The following POLR1C variants were observed in gnomAD, a reference collection of about 807,000 sequenced individuals.
POLR1C encodes the protein RNA polymerase I and III subunit C.
POLR1C carries 42 observed loss-of-function variants against 38.3 expected under a neutral mutation model. The ratio of observed to expected loss-of-function variants is 1.10; its 90% confidence interval spans 0.86 to 1.42. The LOEUF (loss-of-function observed/expected upper bound fraction) is 1.42. Ranked by LOEUF, POLR1C falls within the 40% of genes most tolerant of loss-of-function variation. POLR1C has a pLI of 0.00. For missense variants in POLR1C, 507 were observed against 450.5 expected (o/e 1.13, Z -1.14); for synonymous variants, 163 against 163.9 (o/e 0.99, Z 0.04).
At chr6:43,554,068 C>A (rs1161022056) in intron 10 of POLR1C, among the ~76,000 whole-genome samples, 1 of 152,174 alleles carries the variant, frequency 6.6e-6, no homozygotes, top group East Asian at 1.9e-4. Context: ...GCACAGCACT[C>A]AAATAGCAAG....
chr6:43,553,510 AACACACAC>A (rs749301680), intron 10 of POLR1C: 33 of 1,503,446 alleles, frequency 2.2e-5, no homozygotes, highest in Non-Finnish European at 2.7e-5. Context: ...CAAGCTTTAA[AACACACAC>A]ACACACATAC....
At position 43,547,761 on chromosome 6, in the gene POLR1C, T is replaced by G. The variant is rs1286002872; in HGVS notation, c.*5-3207T>G. The G allele has an allele frequency of 3.9e-6, 6 of 1,522,812 alleles. No homozygotes were observed. In the African/African-American group the frequency reaches 8.2e-5, roughly 21 times the overall value. The allele number at this position is 1,522,812 out of a possible 1,614,324, so 94.3% of individuals were successfully genotyped here. ...ACATCATGACTTTAAACAAGGACAG[T>G]TTCTTCCACAGGAGTTAACAGGCTA... On this transcript the variant is annotated intron_variant, in intron 9 of 10. Coordinates refer to the POLR1C transcript ENST00000607635.
intron 10 of POLR1C, among the ~76,000 whole-genome samples, chr6:43,552,828 G>A (rs764048535): frequency 2.0e-5 from 3 of 152,130 alleles, no homozygotes; most frequent in Non-Finnish European, 4.4e-5. Context: ...TATACTGGTG[G>A]CGTACAGTAT....
intron 9 of POLR1C, among the ~76,000 whole-genome samples, chr6:43,541,327 GTGAT>G (rs1794679032): frequency 6.6e-6 from 1 of 152,212 alleles, no homozygotes; most frequent in African/African-American, 2.4e-5. Context: ...TTTAATTGAT[GTGAT>G]TATTATTATG....
intron 9 of POLR1C, chr6:43,546,822 A>G (rs1326345509): frequency 7.0e-7 from 1 of 1,422,530 alleles, no homozygotes; most frequent in Non-Finnish European, 9.4e-7. Context: ...ACTGTTAGAT[A>G]TATTCAAGGT....
At chr6:43,546,932 T>C (rs2127727712) in intron 9 of POLR1C, among the ~76,000 whole-genome samples, 1 of 152,310 alleles carries the variant, frequency 6.6e-6, no homozygotes, top group South Asian at 2.1e-4. Flanking sequence ...AGAGGGATCC[T>C]CTCACTGCCA....
chr6:43,543,884 T>C (rs919714323), intron 9 of POLR1C, among the ~76,000 whole-genome samples: 6 of 152,092 alleles, frequency 3.9e-5, no homozygotes, highest in Non-Finnish European at 8.8e-5. Context: ...ACCATGTTTA[T>C]TGGGCTAGTC....
chr6:43,537,138 A>G (rs768922038), intron 9 of POLR1C, among the ~76,000 whole-genome samples: 50 of 135,190 alleles, frequency 3.7e-4, no homozygotes, highest in Middle Eastern at 3.7e-3. Context: ...GAATAATTAA[A>G]ACTTTTTTTT....
At chr6:43,530,659 G>T (rs780674560), downstream of POLR1C, 2 of 1,606,070 alleles carry the variant, frequency 1.2e-6, no homozygotes, top group East Asian at 4.5e-5. Flanking sequence ...CTGACCTTTT[G>T]GGTTATGTAG....
chr6:43,524,855 C>G, downstream of POLR1C: 1 of 1,613,792 alleles, frequency 6.2e-7, no homozygotes, highest in Non-Finnish European at 8.5e-7. Flanking sequence ...TCTGGAAGGC[C>G]AGATGGACCA....
chr6:43,561,806 A>G (rs1334324432), exon 11 of POLR1C: 1 of 155,510 alleles, frequency 6.4e-6, no homozygotes, highest in East Asian at 1.9e-4. Flanking sequence ...TGAGTATTAA[A>G]TATTTCTCTA....
intron 10 of POLR1C, chr6:43,561,096 A>G (rs1582238245): frequency 9.1e-7 from 1 of 1,098,628 alleles, no homozygotes; most frequent in East Asian, 2.4e-5. Context: ...GATAAATTAA[A>G]CCCTCAAAAA....
chr6:43,546,698 T>C (rs779573241), intron 9 of POLR1C: 2 of 1,612,618 alleles, frequency 1.2e-6, no homozygotes, highest in Non-Finnish European at 1.7e-6. Flanking sequence ...TCTAGGTCAG[T>C]GGGCCAGCAA....
In POLR1C at chr6:43,520,504, G is replaced by A. The variant is rs1246291506; in HGVS notation, c.655+77G>A. The A allele has an allele frequency of 6.2e-6, 10 of 1,601,954 alleles. No individual in the cohort carries two copies. The Admixed American group carries it at 1.7e-4, about 27-fold the overall frequency. On this transcript the variant is annotated intron_variant, in intron 6 of 8. Coordinates refer to ENST00000642195, the MANE Select transcript of POLR1C (RefSeq NM_203290.4). Reference sequence around the variant, plus strand: ...GGCAAGCTGACTAGGGAACTCAGCTGAGACATTCCCGGCAGGTAGAAAGCC... The same window carrying A: ...GGCAAGCTGACTAGGGAACTCAGCTAAGACATTCCCGGCAGGTAGAAAGCC...
chr6:43,543,966 C>T (rs547628352), intron 9 of POLR1C, among the ~76,000 whole-genome samples: 44 of 152,106 alleles, frequency 2.9e-4, no homozygotes, highest in Non-Finnish European at 5.9e-4. Context: ...CATGAGCTAC[C>T]GCGCCCAGCC....
intron 10 of POLR1C, among the ~76,000 whole-genome samples, chr6:43,551,666 A>C (rs566490689): frequency 6.6e-6 from 1 of 152,146 alleles, no homozygotes; most frequent in Non-Finnish European, 1.5e-5. Flanking sequence ...CTAGGACTAC[A>C]GGCGGGCACC....
At chr6:43,522,577 C>T (rs1793257206), downstream of POLR1C, 1 of 313,438 alleles carries the variant, frequency 3.2e-6, no homozygotes, top group Non-Finnish European at 7.1e-6. Context: ...CCCAGAGCAC[C>T]ACACAGGAAG....
chr6:43,544,101 TA>T (rs2127724490), intron 9 of POLR1C: 1 of 152,800 alleles, frequency 6.5e-6, no homozygotes, highest in Admixed American at 6.5e-5. Context: ...TGGAATTCTC[TA>T]AAAGCACTGA....
In POLR1C at chr6:43,559,796, G is replaced by A. The variant is rs113779331; in HGVS notation, c.*49-1604G>A. On this transcript the variant is annotated intron_variant, in intron 10 of 10. Transcript: ENST00000607635. ...GGAATCTTAGTGATGAAGAAGGGCTGTTAATAATGCCAATCAGTCTTTTTT... is the reference window on the plus strand; with the variant it reads ...GGAATCTTAGTGATGAAGAAGGGCTATTAATAATGCCAATCAGTCTTTTTT... Among the ~76,000 whole-genome samples the A allele has an allele frequency of 3.7e-4, 57 of 152,270 alleles. 1 individual carries two copies. Among genetic ancestry groups the A allele is most frequent in the Middle Eastern group, 3.4e-3 (1 of 294 alleles).
Sources: gnomAD v4.1 joint callset for allele counts (sites outside exome capture counted in the v4.1 genomes callset) on GRCh38, gnomAD v4.1.1 for gene constraint, MANE v1.5 for transcripts, NCBI Gene and HGNC (gene_info 2026-07-23, HGNC 2026-07-21) for gene names.